SLC16A9: variants seen among roughly 807,000 people sequenced by gnomAD.
SLC16A9 encodes monocarboxylate transporter 9.
A neutral mutation model predicts 44.3 loss-of-function variants in SLC16A9; 26 were observed. That is an observed-to-expected ratio of 0.59 (90% CI 0.43 to 0.81). The LOEUF (loss-of-function observed/expected upper bound fraction) is 0.81, where lower values mean the gene tolerates loss of function less well. SLC16A9 is among the 40% of genes least tolerant of loss of function. The pLI is 0.00. For synonymous variants in SLC16A9, 230 were observed against 225.1 expected, an observed-to-expected ratio of 1.02 and a Z score of -0.19; for missense variants, 559 against 595.8, an observed-to-expected ratio of 0.94 and a Z score of 0.64.
At position 59,684,085 on chromosome 10, in the gene SLC16A9, T is replaced by A; in HGVS notation, c.196+11A>T. Reference sequence around the variant, plus strand: ...TAAAGAGTAAAGAGAGGCATTAATTTATCCACTTACTTGCAAGCAAGCCAA... The same window carrying A: ...TAAAGAGTAAAGAGAGGCATTAATTAATCCACTTACTTGCAAGCAAGCCAA... On this transcript the variant is annotated intron_variant, in intron 2 of 5. Coordinates refer to ENST00000395348, the MANE Select transcript of SLC16A9 (RefSeq NM_194298.3). 1 of 1,605,096 alleles carries A rather than the reference T, an allele frequency of 6.2e-7. No homozygotes were observed. The highest frequency in any genetic ancestry group is 8.5e-7 in the Non-Finnish European group (1 of 1,173,954).
chr10:59,688,965 C>T (rs1315436237), intron 1 of SLC16A9, among the ~76,000 whole-genome samples: 2 of 152,126 alleles, frequency 1.3e-5, no homozygotes, highest in South Asian at 2.1e-4. Flanking sequence ...ACACCTCCGC[C>T]CTCCCTTGCA....
At chr10:59,665,568 C>T (rs1447806983) in intron 3 of SLC16A9, among the ~76,000 whole-genome samples, 1 of 152,108 alleles carries the variant, frequency 6.6e-6, no homozygotes, top group Non-Finnish European at 1.5e-5. Context: ...AAAAAATACT[C>T]TCAAAATCTA....
chr10:59,702,629 T>C (rs1840549818), intron 1 of SLC16A9, among the ~76,000 whole-genome samples: 1 of 152,232 alleles, frequency 6.6e-6, no homozygotes, highest in Non-Finnish European at 1.5e-5. Context: ...GTTTGTAGAA[T>C]AGCTCATTGA....
chr10:59,704,952 C>A (rs1297655512), intron 1 of SLC16A9, among the ~76,000 whole-genome samples: 1 of 152,044 alleles, frequency 6.6e-6, no homozygotes, highest in Non-Finnish European at 1.5e-5. Context: ...TCAAGACACA[C>A]AGAAAAATAT....
intron 3 of SLC16A9, among the ~76,000 whole-genome samples, chr10:59,665,123 A>G (rs989131992): frequency 3.9e-5 from 6 of 152,304 alleles, no homozygotes; most frequent in African/African-American, 1.4e-4. Flanking sequence ...ATCATCTCCA[A>G]GGCTCTCGTT....
chr10:59,669,524 G>A (rs1001090587), intron 3 of SLC16A9, among the ~76,000 whole-genome samples: 3 of 152,190 alleles, frequency 2.0e-5, no homozygotes, highest in African/African-American at 4.8e-5. Context: ...AGGTTTGAAT[G>A]AAGATCTATT....
rs569702353 is a variant in SLC16A9 at position 59,681,798 on chromosome 10, GTAT to G, written c.196+2295_196+2297del. Among the ~76,000 whole-genome samples, 13 of 41,008 alleles carry G rather than the reference GTAT, an allele frequency of 3.2e-4. 3 individuals are homozygous for G. The highest frequency in any genetic ancestry group is 6.2e-4 in the Non-Finnish European group (12 of 19,416). 26.9% of individuals were successfully genotyped at this position (41,008 alleles called of 152,430 possible). ...ATATGTATATGATGTATATGTATAT[GTAT>G]ATGTATATGTATATATGATGTATAT... is the stretch of plus-strand genomic sequence containing the variant. On this transcript the variant is annotated intron_variant, in intron 2 of 5. Coordinates refer to ENST00000395348, the MANE Select transcript of SLC16A9 (RefSeq NM_194298.3).
In SLC16A9 at chr10:59,654,252, T is replaced by C; in HGVS notation, c.774A>G (p.Thr258=). 6.2e-7 allele frequency: 1 copy of C among 1,614,208 alleles called. No individual in the cohort carries two copies. The highest frequency in any genetic ancestry group is 8.5e-7 in the Non-Finnish European group (1 of 1,180,028). The change falls in exon 5 of 6, where the codon ACA becomes ACG. Residue 258 remains threonine (T), a synonymous_variant. Coordinates refer to ENST00000395348, the MANE Select transcript of SLC16A9 (RefSeq NM_194298.3). ...KQDSLLHKNP[T]VTHTKEPETY... Reference sequence around the variant, plus strand: ...TTTCAGGCTCTTTTGTGTGTGTCACTGTGGGGTTTTTATGAAGTAGGCTGT... The same window carrying C: ...TTTCAGGCTCTTTTGTGTGTGTCACCGTGGGGTTTTTATGAAGTAGGCTGT...
At chr10:59,671,881 A>G (rs1839758357) in intron 3 of SLC16A9, among the ~76,000 whole-genome samples, 1 of 152,212 alleles carries the variant, frequency 6.6e-6, no homozygotes, top group Non-Finnish European at 1.5e-5. Flanking sequence ...TCTTGTGAAG[A>G]GGAAATGAGA....
chr10:59,655,667 C>T (rs1232063007), intron 4 of SLC16A9, among the ~76,000 whole-genome samples: 10 of 152,098 alleles, frequency 6.6e-5, no homozygotes, highest in Admixed American at 6.5e-4. Context: ...TTATGGTAGC[C>T]TAATCAATTG....
chr10:59,693,558 A>G (rs1240375635), intron 1 of SLC16A9, among the ~76,000 whole-genome samples: 1 of 152,186 alleles, frequency 6.6e-6, no homozygotes, highest in Non-Finnish European at 1.5e-5. Context: ...AGAATTTTCT[A>G]CGGTTTGAAA....
At chr10:59,696,543 G>A (rs1840381013) in intron 1 of SLC16A9, among the ~76,000 whole-genome samples, 1 of 152,022 alleles carries the variant, frequency 6.6e-6, no homozygotes, top group African/African-American at 2.4e-5. Flanking sequence ...AGGAAGTGAG[G>A]AGCGTCTCTG....
At chr10:59,687,183 G>A (rs1048236121) in intron 1 of SLC16A9, among the ~76,000 whole-genome samples, 1 of 152,160 alleles carries the variant, frequency 6.6e-6, no homozygotes, top group Non-Finnish European at 1.5e-5. Context: ...AGGATTACAG[G>A]CATGAGCCAC....
chr10:59,658,856 A>T (rs191194235), intron 4 of SLC16A9, among the ~76,000 whole-genome samples: 1 of 152,306 alleles, frequency 6.6e-6, no homozygotes, highest in East Asian at 1.9e-4. Context: ...TCAACCATGA[A>T]TCACTTTGTT....
intron 1 of SLC16A9, 70 bp downstream of exon 1, chr10:59,709,409 C>A (rs1457727679): frequency 6.6e-6 from 1 of 152,486 alleles, no homozygotes; most frequent in African/African-American, 2.4e-5. Context: ...TACTTCTTGC[C>A]TCTAGGACGC....
intron 1 of SLC16A9, among the ~76,000 whole-genome samples, chr10:59,699,375 C>T (rs749266258): frequency 2.6e-5 from 4 of 150,964 alleles, no homozygotes; most frequent in Admixed American, 6.6e-5. Flanking sequence ...ACTACAGTCT[C>T]ATACGAGTAC....
At position 59,684,136 on chromosome 10, in the gene SLC16A9, G is replaced by C; in HGVS notation, c.156C>G (p.Ala52=). 5 of 1,613,950 alleles carry C rather than the reference G, an allele frequency of 3.1e-6. No homozygotes were observed. Among genetic ancestry groups the C allele is most frequent in the Non-Finnish European group, 3.4e-6 (4 of 1,179,922 alleles). ...DAFGEGKGKT[A]WVGSLASGVG... ...CTCCACTTGCCAGGGATCCAACCCA[G>C]GCTGTTTTTCCTTTTCCTTCACCAA... The change falls in exon 2 of 6, where the codon GCC becomes GCG. Residue 52 remains alanine, a synonymous_variant. Coordinates refer to ENST00000395348, the MANE Select transcript of SLC16A9 (RefSeq NM_194298.3).
chr10:59,690,283 G>A (rs2132510931), intron 1 of SLC16A9, among the ~76,000 whole-genome samples: 1 of 152,296 alleles, frequency 6.6e-6, no homozygotes, highest in South Asian at 2.1e-4. Context: ...GAGACCAGAA[G>A]GCATATAAGG....
intron 1 of SLC16A9, among the ~76,000 whole-genome samples, chr10:59,709,097 C>G (rs1035637876): frequency 6.6e-6 from 1 of 152,164 alleles, no homozygotes; most frequent in African/African-American, 2.4e-5. Flanking sequence ...GGCCCACCTG[C>G]ATCACATGCA....
Sources: gnomAD v4.1 joint callset for allele counts (sites outside exome capture counted in the v4.1 genomes callset) on GRCh38, gnomAD v4.1.1 for gene constraint, MANE v1.5 for transcripts, NCBI Gene and HGNC (gene_info 2026-07-23, HGNC 2026-07-21) for gene names.